The following EPHA3 variants were observed in gnomAD, a reference collection of about 807,000 sequenced individuals.
EPHA3 encodes EPH receptor A3.
In EPHA3, 42 loss-of-function variants were observed where a neutral mutation model predicts 107.1. That is an observed-to-expected ratio of 0.39 (90% CI 0.31 to 0.51). The LOEUF (loss-of-function observed/expected upper bound fraction) is 0.51, where lower values mean the gene tolerates loss of function less well. Among genes scored for constraint, EPHA3 ranks in the 20% least tolerant of loss-of-function variants. The pLI is 0.78. For missense variants in EPHA3, 1,183 were observed against 1,211.2 expected, an observed-to-expected ratio of 0.98 and a Z score of 0.35; for synonymous variants, 461 against 424.8, an observed-to-expected ratio of 1.09 and a Z score of -1.05.
chr3:89,133,282 T>C (rs6551395), intron 2 of EPHA3, among the ~76,000 whole-genome samples: 122,769 of 152,078 alleles, frequency 0.81, 49,578 homozygotes, highest in Admixed American at 0.86. Flanking sequence ...CATTTTTATT[T>C]CATATAATCT....
Position 89,211,259 on chromosome 3 carries a change from A to C in EPHA3, c.814+739A>C, listed in dbSNP as rs1163136672. Among the ~76,000 whole-genome samples the C allele has an allele frequency of 2.6e-5, 4 of 152,242 alleles. No homozygotes were observed. In the East Asian group the frequency reaches 7.7e-4, roughly 29 times the overall value. ...ATTTATTAAAATCGCTTTATATTTT[A>C]AGTGGAATCAATTAAAATATCATTT... On this transcript the variant is annotated intron_variant, in intron 3 of 16. Transcript: ENST00000336596.
chr3:89,467,894 C>T (rs1710318256), intron 15 of EPHA3, among the ~76,000 whole-genome samples: 1 of 152,290 alleles, frequency 6.6e-6, no homozygotes, highest in East Asian at 1.9e-4. Flanking sequence ...CTCTGTAGGA[C>T]ATCGTTTACA....
At chr3:89,179,923 AG>A (rs1705404301) in intron 2 of EPHA3, among the ~76,000 whole-genome samples, 1 of 149,990 alleles carries the variant, frequency 6.7e-6, no homozygotes, top group Non-Finnish European at 1.5e-5. Flanking sequence ...CACTGAGAGC[AG>A]GGTTTTTTTT....
intron 3 of EPHA3, among the ~76,000 whole-genome samples, chr3:89,276,211 C>T (rs1559628909): frequency 6.6e-6 from 1 of 152,086 alleles, no homozygotes; most frequent in Non-Finnish European, 1.5e-5. Flanking sequence ...CACAGGATGT[C>T]ATCCATAAAA....
At chr3:89,241,538 C>A (rs563992934) in intron 3 of EPHA3, among the ~76,000 whole-genome samples, 1 of 152,208 alleles carries the variant, frequency 6.6e-6, no homozygotes, top group African/African-American at 2.4e-5. Flanking sequence ...ATTCCACTAC[C>A]ATTACTAATA....
chr3:89,480,947 C>T lies in EPHA3; in HGVS notation c.*1445C>T, dbSNP rs1002735844. 15 of 231,696 alleles carry T rather than the reference C, an allele frequency of 6.5e-5. No individual in the cohort carries two copies. The highest frequency in any genetic ancestry group is 1.3e-4 in the Non-Finnish European group (15 of 117,034). The allele number at this position is 231,696 out of a possible 1,614,324, so 14.4% of individuals were successfully genotyped here. A position where few individuals can be genotyped will look rare whatever the true frequency, so the allele number is the denominator to read the frequency against. On this transcript the variant is annotated 3_prime_UTR_variant, in exon 17 of 17. Transcript: ENST00000336596. ...TAAGCAGGAGAGAAATTTCTCATCA[C>T]AGGGATTTAGACTTACTATTACATA...
At chr3:89,429,043 A>G (rs751415604) in intron 11 of EPHA3, 63 bp from the exon 12 acceptor site, 19 of 1,139,006 alleles carry the variant, frequency 1.7e-5, no homozygotes, top group Non-Finnish European at 2.3e-5. Flanking sequence ...ACTATATTAT[A>G]TATGTTCATT....
intron 2 of EPHA3, among the ~76,000 whole-genome samples, chr3:89,204,040 C>G (rs1706040425): frequency 1.3e-5 from 2 of 152,146 alleles, no homozygotes; most frequent in South Asian, 4.1e-4. Flanking sequence ...ACAGAAAGTA[C>G]TGAGGTATGC....
intron 5 of EPHA3, among the ~76,000 whole-genome samples, chr3:89,378,388 A>T (rs1447679420): frequency 6.6e-6 from 1 of 152,272 alleles, no homozygotes; most frequent in East Asian, 1.9e-4. Flanking sequence ...TCAGTTTTAC[A>T]ATGATTTTAC....
In EPHA3 at chr3:89,429,695, C is replaced by CATCTATCT. The variant is rs55794052; in HGVS notation, c.2136+567_2136+574dup. 3.1e-3 allele frequency among the ~76,000 whole-genome samples: 465 copies of CATCTATCT among 149,242 alleles called. 1 individual carries two copies. Among genetic ancestry groups the CATCTATCT allele is most frequent in the East Asian group, 4.8e-3 (24 of 5,002 alleles). On this transcript the variant is annotated intron_variant, in intron 12 of 16. Transcript: ENST00000336596. The stretch of plus-strand genomic sequence containing the variant: ...TGAGAAGCTTTATACGTTTATCTAT[C>CATCTATCT]ATCTATCTATCTATCTATCTATCTA...
intron 10 of EPHA3, among the ~76,000 whole-genome samples, chr3:89,416,616 AAATAT>A (rs1709252950): frequency 6.6e-6 from 1 of 151,428 alleles, no homozygotes; most frequent in South Asian, 2.1e-4. Flanking sequence ...AAATTATTAA[AAATAT>A]AATTGAATTA....
chr3:89,299,406 T>TAGAA (rs2072154310), intron 3 of EPHA3, among the ~76,000 whole-genome samples: 1 of 152,024 alleles, frequency 6.6e-6, no homozygotes, highest in Non-Finnish European at 1.5e-5. Context: ...GAAATTTTAA[T>TAGAA]AGAAAGAGCA....
At chr3:89,203,263 T>C (rs192620576) in intron 2 of EPHA3, among the ~76,000 whole-genome samples, 3 of 150,518 alleles carry the variant, frequency 2.0e-5, no homozygotes, top group African/African-American at 7.3e-5. Flanking sequence ...TGTTGTTGTT[T>C]TTTTTTTATC....
At chr3:89,460,811 C>T (rs1710215986) in intron 15 of EPHA3, among the ~76,000 whole-genome samples, 1 of 132,506 alleles carries the variant, frequency 7.5e-6, no homozygotes, top group Non-Finnish European at 1.6e-5. Flanking sequence ...CCCAAGTGAT[C>T]TCTCTGTCTC....
intron 3 of EPHA3, among the ~76,000 whole-genome samples, chr3:89,224,360 A>G (rs191712882): frequency 2.0e-5 from 3 of 152,344 alleles, no homozygotes; most frequent in African/African-American, 7.2e-5. Context: ...TTTACAATAA[A>G]ATGATAAAAG....
At chr3:89,120,080 T>C (rs1452126646) in intron 1 of EPHA3, among the ~76,000 whole-genome samples, 1 of 152,272 alleles carries the variant, frequency 6.6e-6, no homozygotes, top group South Asian at 2.1e-4. Context: ...ATAGACTGAT[T>C]TTATGGGGTG....
chr3:89,454,410 A>G (rs1710057617), intron 15 of EPHA3, among the ~76,000 whole-genome samples: 1 of 151,768 alleles, frequency 6.6e-6, no homozygotes. Context: ...AACTCTTGGT[A>G]CCTCTTTCTT....
intron 3 of EPHA3, among the ~76,000 whole-genome samples, chr3:89,223,833 A>T (rs1704439774): frequency 6.6e-6 from 1 of 152,148 alleles, no homozygotes; most frequent in Non-Finnish European, 1.5e-5. Flanking sequence ...AAGTACTAAA[A>T]TATGGTTAGT....
At chr3:89,208,423 G>GAAGGAAGA (rs74193305) in intron 2 of EPHA3, among the ~76,000 whole-genome samples, 34 of 37,538 alleles carry the variant, frequency 9.1e-4, no homozygotes, top group South Asian at 3.5e-3. Flanking sequence ...AGGAAGGAAG[G>GAAGGAAGA]AAGAAAGAAA....
Sources: allele counts gnomAD v4.1 joint callset (sites outside exome capture counted in the v4.1 genomes callset), GRCh38; gene constraint gnomAD v4.1.1; transcripts MANE v1.5; gene names NCBI Gene and HGNC (gene_info 2026-07-23, HGNC 2026-07-21).